ABAT: variants seen among roughly 807,000 people sequenced by gnomAD.
ABAT encodes the protein 4-aminobutyrate aminotransferase.
Under a neutral mutation model 64.6 loss-of-function variants are expected in ABAT, and 45 were observed. That is an observed-to-expected ratio of 0.70 (90% CI 0.55 to 0.89). The LOEUF (loss-of-function observed/expected upper bound fraction) is 0.89, where lower values mean the gene tolerates loss of function less well. ABAT is among the 40% of genes least tolerant of loss of function. The probability of loss-of-function intolerance (pLI) is 0.00; values close to 1 mark genes in which losing one functional copy is unlikely to be tolerated. For synonymous variants in ABAT, 297 were observed against 250.5 expected, an observed-to-expected ratio of 1.19 and a Z score of -1.75; for missense variants, 633 against 658.4, an observed-to-expected ratio of 0.96 and a Z score of 0.42.
rs555776999 is a variant in ABAT at position 8,721,098 on chromosome 16, A to C, written c.-41-14601A>C. Among the ~76,000 whole-genome samples the C allele has an allele frequency of 4.6e-5, 7 of 152,350 alleles. No homozygotes were observed. In the East Asian group the frequency reaches 1.2e-3, roughly 25 times the overall value. Reference sequence around the variant, plus strand: ...TTACTCCCATTTTACAGATCAGGAAACTGAGGCACAGAGACGTTACTTAAT... The same window carrying C: ...TTACTCCCATTTTACAGATCAGGAACCTGAGGCACAGAGACGTTACTTAAT... On this transcript the variant is annotated intron_variant, in intron 1 of 15. Coordinates refer to ENST00000268251, the MANE Select transcript of ABAT (RefSeq NM_020686.6).
In ABAT at chr16:8,772,857, G is replaced by A. The variant is rs1157973176; in HGVS notation, c.894G>A (p.Glu298=). ...AGIIVEPIQS[E]GGDNHASDDF... The stretch of plus-strand genomic sequence containing the variant: ...TCATCGTGGAGCCCATCCAGTCCGA[G>A]GGTGGAGACAACCACGCATCCGATG... Residue 298 remains glutamate (E), a synonymous_variant, in exon 12 of 16, where the codon GAG becomes GAA. Coordinates refer to ENST00000268251, the MANE Select transcript of ABAT (RefSeq NM_020686.6). 6.2e-7 allele frequency: 1 copy of A among 1,613,974 alleles called. No individual in the cohort carries two copies. The highest frequency in any genetic ancestry group is 8.5e-7 in the Non-Finnish European group (1 of 1,180,022).
chr16:8,714,330 CT>C (rs371191226), intron 1 of ABAT, among the ~76,000 whole-genome samples: 7 of 152,328 alleles, frequency 4.6e-5, no homozygotes, highest in African/African-American at 1.7e-4. Flanking sequence ...ACACACACCC[CT>C]TTCTCTTTGA....
chr16:8,725,824 A>G (rs1177079707), intron 1 of ABAT, among the ~76,000 whole-genome samples: 2 of 152,148 alleles, frequency 1.3e-5, no homozygotes, highest in African/African-American at 4.8e-5. Flanking sequence ...AATTCTTAAA[A>G]GGCCATGCCA....
intron 1 of ABAT, chr16:8,715,654 AAACAATT>A (rs1419284955): frequency 2.1e-5 from 3 of 143,256 alleles, no homozygotes; most frequent in African/African-American, 5.4e-5. Context: ...AAAAAAAAAA[AAACAATT>A]AAAGAAGTTT....
At chr16:8,739,472 C>G (rs1378050917) in intron 2 of ABAT, among the ~76,000 whole-genome samples, 2 of 152,188 alleles carry the variant, frequency 1.3e-5, no homozygotes, top group African/African-American at 2.4e-5. Context: ...AATACCAACA[C>G]TTTGGGAGGC....
chr16:8,694,412 C>G (rs1339299367), intron 1 of ABAT, among the ~76,000 whole-genome samples: 1 of 152,052 alleles, frequency 6.6e-6, no homozygotes, highest in South Asian at 2.1e-4. Context: ...GTTTTTGAGA[C>G]AGGGTCTTGC....
At chr16:8,737,981 GAAGGAAGGAGGAAAGAAAGAAAGA>G (rs1567295615) in intron 2 of ABAT, among the ~76,000 whole-genome samples, 9 of 2,346 alleles carry the variant, frequency 3.8e-3, no homozygotes, top group African/African-American at 0.011. Context: ...AGGAAGGAAG[GAAGGAAGGAGGAAAGAAAGAAAGA>G]AAGAAAGAAA....
At chr16:8,757,843 T>G in intron 6 of ABAT, 37 bp downstream of exon 6, 1 of 1,598,004 alleles carries the variant, frequency 6.3e-7, no homozygotes, top group Non-Finnish European at 8.6e-7. Flanking sequence ...AGACAAAATA[T>G]GTTCATGGCC....
rs1163472330 is a variant in ABAT at position 8,784,470 on chromosome 16, T to C, written c.*3040T>C. 6.6e-6 allele frequency: 1 copy of C among 152,462 alleles called. No individual in the cohort carries two copies. Among genetic ancestry groups the C allele is most frequent in the Admixed American group, 6.5e-5 (1 of 15,270 alleles). The allele number at this position is 152,462 out of a possible 1,614,324, so 9.4% of individuals were successfully genotyped here. A position where few individuals can be genotyped will look rare whatever the true frequency, so the allele number is the denominator to read the frequency against. On this transcript the variant is annotated 3_prime_UTR_variant, in exon 16 of 16. Coordinates refer to ENST00000268251, the MANE Select transcript of ABAT (RefSeq NM_020686.6). ...GTGCCAATAAATGATAAAAAAAAAA[T>C]TAACATGTCACAATGTAACGGATGA... is the stretch of plus-strand genomic sequence containing the variant.
chr16:8,730,976 T>G (rs2058701676), intron 1 of ABAT, among the ~76,000 whole-genome samples: 1 of 152,256 alleles, frequency 6.6e-6, no homozygotes, highest in African/African-American at 2.4e-5. Context: ...TAATTTTTTG[T>G]GTGTGAGACG....
At chr16:8,676,662 T>C (rs1269757384) in intron 1 of ABAT, among the ~76,000 whole-genome samples, 1 of 152,192 alleles carries the variant, frequency 6.6e-6, no homozygotes, top group East Asian at 1.9e-4. Flanking sequence ...ATAAGATCAG[T>C]TGCAGCTAAT....
chr16:8,757,639 T>C, intron 5 of ABAT, 118 bp from the exon 6 acceptor site: 1 of 1,154,852 alleles, frequency 8.7e-7, no homozygotes, highest in South Asian at 1.3e-5. Flanking sequence ...TAAAAGACCC[T>C]TTGGTTTTTA....
chr16:8,722,964 C>A (rs1315079873), intron 1 of ABAT: 10 of 913,368 alleles, frequency 1.1e-5, no homozygotes, highest in Non-Finnish European at 6.1e-6. Flanking sequence ...TCCAGCCAGG[C>A]AAGGTGGCTC....
At chr16:8,718,635 CCT>C (rs2058279043) in intron 1 of ABAT, among the ~76,000 whole-genome samples, 1 of 152,182 alleles carries the variant, frequency 6.6e-6, no homozygotes, top group South Asian at 2.1e-4. Context: ...TCTGAGGTCC[CCT>C]GAGCCAGCCC....
intron 8 of ABAT, among the ~76,000 whole-genome samples, chr16:8,765,339 A>C (rs1413273868): frequency 2.0e-5 from 3 of 150,840 alleles, no homozygotes; most frequent in African/African-American, 7.3e-5. Flanking sequence ...CTGTCTCAAA[A>C]AAAAAAAAAG....
Position 8,784,475 on chromosome 16 carries a change from A to G in ABAT, c.*3045A>G, listed in dbSNP as rs935819498. ...AATAAATGATAAAAAAAAAATTAAC[A>G]TGTCACAATGTAACGGATGACCATA... On this transcript the variant is annotated 3_prime_UTR_variant, in exon 16 of 16. Transcript: ENST00000268251. The G allele has an allele frequency of 6.6e-6, 1 of 152,480 alleles. No homozygotes were observed. The highest frequency in any genetic ancestry group is 1.5e-5 in the Non-Finnish European group (1 of 68,038). The allele number at this position is 152,480 out of a possible 1,614,324, so 9.4% of individuals were successfully genotyped here. A position where few individuals can be genotyped will look rare whatever the true frequency, so the allele number is the denominator to read the frequency against.
intron 1 of ABAT, among the ~76,000 whole-genome samples, chr16:8,689,210 G>A (rs536068541): frequency 1.4e-4 from 22 of 152,146 alleles, no homozygotes; most frequent in African/African-American, 5.1e-4. Context: ...ATTGTATTAG[G>A]TAGAATCATG....
At position 8,776,213 on chromosome 16, in the gene ABAT, C is replaced by A; in HGVS notation, c.1123-131C>A. The A allele has an allele frequency of 7.8e-7, 1 of 1,279,084 alleles. No individual in the cohort carries two copies. The allele number at this position is 1,279,084 out of a possible 1,614,324, so 79.2% of individuals were successfully genotyped here. On this transcript the variant is annotated intron_variant, in intron 13 of 15. Coordinates refer to ENST00000268251, the MANE Select transcript of ABAT (RefSeq NM_020686.6). This position sits in a 1 kb window ranked among gnomAD's most constrained non-coding sequence, Gnocchi z 4.4. ...CAGCGAGATTGGGTGTGTTCCCCTG[C>A]CAGCCTCTGGTAGATGCCCACTAGA...
chr16:8,706,404 CAAAAAAA>C (rs56329419), intron 1 of ABAT, among the ~76,000 whole-genome samples: 17 of 95,056 alleles, frequency 1.8e-4, no homozygotes, highest in Admixed American at 4.8e-4. Flanking sequence ...GACCCTGTTT[CAAAAAAA>C]AAAAAAAAAA....
Sources: gnomAD v4.1 joint callset for allele counts (sites outside exome capture counted in the v4.1 genomes callset) on GRCh38, gnomAD v4.1.1 for gene constraint, Gnocchi (gnomAD v3.1) non-coding constraint, MANE v1.5 for transcripts, NCBI Gene and HGNC (gene_info 2026-07-23, HGNC 2026-07-21) for gene names.